Variants in NFIB observed in about 807,000 individuals in gnomAD.
NFIB encodes nuclear factor I B.
A neutral mutation model predicts 61.5 loss-of-function variants in NFIB; 11 were observed. The observed-to-expected ratio is 0.18, with a 90% CI of 0.11 to 0.30. The LOEUF is 0.30. Among genes scored for constraint, NFIB ranks in the 10% least tolerant of loss-of-function variants. The pLI is 1.00. For synonymous variants in NFIB, 260 were observed against 216.5 expected (o/e 1.20, Z -1.76); for missense variants, 471 against 608.9 (o/e 0.77, Z 2.38).
chr9:14,143,674 A>C (rs1020424027), intron 6 of NFIB, among the ~76,000 whole-genome samples: 3 of 152,196 alleles, frequency 2.0e-5, no homozygotes, highest in African/African-American at 7.2e-5. Context: ...AGGAGAAAAT[A>C]TTATAAATAC....
intron 2 of NFIB, among the ~76,000 whole-genome samples, 196 bp downstream of exon 2, chr9:14,306,793 C>G (rs557348589): frequency 8.7e-4 from 132 of 152,090 alleles, no homozygotes; most frequent in Admixed American, 1.8e-3. Context: ...TATCCAGGTA[C>G]GAAAGCTCTG....
chr9:14,348,923 T>C (rs1420162316), intron 1 of NFIB, among the ~76,000 whole-genome samples: 2 of 152,240 alleles, frequency 1.3e-5, no homozygotes, highest in East Asian at 1.9e-4. Context: ...AAAAACCTCC[T>C]GGCGGCTTCC....
chr9:14,393,759 T>C (rs1358404178), intron 1 of NFIB, among the ~76,000 whole-genome samples: 1 of 152,176 alleles, frequency 6.6e-6, no homozygotes, highest in African/African-American at 2.4e-5. Flanking sequence ...CAAGAACTGA[T>C]AATAAAACAA....
intron 1 of NFIB, among the ~76,000 whole-genome samples, chr9:14,367,848 G>A (rs182243862): frequency 6.6e-6 from 1 of 152,110 alleles, no homozygotes; most frequent in Non-Finnish European, 1.5e-5. Context: ...ATGGACACAC[G>A]GAGGGGAACA....
chr9:14,429,060 TA>T, the NFIB span, among the ~76,000 whole-genome samples: 1 of 152,170 alleles, frequency 6.6e-6, no homozygotes, highest in Non-Finnish European at 1.5e-5. Context: ...TTCACCATTC[TA>T]GGGGCCGCAT....
intron 3 of NFIB, among the ~76,000 whole-genome samples, chr9:14,177,907 A>T (rs2046356157): frequency 6.6e-6 from 1 of 152,180 alleles, no homozygotes; most frequent in Non-Finnish European, 1.5e-5. Context: ...TGAAAAATTG[A>T]ATGATGTTAC....
chr9:14,340,406 A>G (rs1386912026), intron 1 of NFIB, among the ~76,000 whole-genome samples: 1 of 152,224 alleles, frequency 6.6e-6, no homozygotes, highest in African/African-American at 2.4e-5. Flanking sequence ...GTAAAAAAGA[A>G]TACCGATGCC....
Position 14,325,510 on chromosome 9 carries a change from G to T in NFIB, c.109-17990C>A, listed in dbSNP as rs569244043. On this transcript the variant is annotated intron_variant, in intron 1 of 8. Coordinates refer to the NFIB transcript ENST00000380934. The stretch of plus-strand genomic sequence containing the variant: ...CTATATAATTATTTCTAAAAGGCTT[G>T]CATTATTACAATGCTTTATATCATA... Among the ~76,000 whole-genome samples the T allele has an allele frequency of 1.1e-4, 16 of 152,182 alleles. No individual in the cohort carries two copies. In the South Asian group the frequency reaches 3.3e-3, roughly 32 times the overall value.
chr9:14,229,408 A>G (rs758088534), intron 2 of NFIB, among the ~76,000 whole-genome samples: 2 of 152,186 alleles, frequency 1.3e-5, no homozygotes, highest in Non-Finnish European at 2.9e-5. Context: ...CAATAAATTC[A>G]TTCATTCAGT....
At chr9:14,324,880 T>C (rs1246173221) in intron 1 of NFIB, among the ~76,000 whole-genome samples, 1 of 152,170 alleles carries the variant, frequency 6.6e-6, no homozygotes, top group Non-Finnish European at 1.5e-5. Context: ...CTAAGGTTTA[T>C]AAAATAGGGA....
At chr9:14,394,326 T>C (rs6474832) in intron 1 of NFIB, among the ~76,000 whole-genome samples, 82,249 of 152,064 alleles carry the variant, frequency 0.54, 23,163 homozygotes, top group Admixed American at 0.65. Context: ...ATCCCAATTA[T>C]ATTAGTCTGT....
At chr9:14,162,313 T>G (rs2131283600) in intron 3 of NFIB, among the ~76,000 whole-genome samples, 1 of 152,174 alleles carries the variant, frequency 6.6e-6, no homozygotes, top group East Asian at 1.9e-4. Flanking sequence ...TTTTAAAAAG[T>G]TTTCTGACGA....
At chr9:14,347,084 T>A (rs573269328) in intron 1 of NFIB, among the ~76,000 whole-genome samples, 1 of 149,930 alleles carries the variant, frequency 6.7e-6, no homozygotes, top group Non-Finnish European at 1.5e-5. Flanking sequence ...GAAGGGTGCG[T>A]CTCCTGAGCT....
chr9:14,322,767 G>A (rs895864243), intron 1 of NFIB, among the ~76,000 whole-genome samples: 1 of 151,940 alleles, frequency 6.6e-6, no homozygotes, highest in Non-Finnish European at 1.5e-5. Flanking sequence ...TGCGCCGCGC[G>A]GCGCCCCTCT....
the NFIB span, among the ~76,000 whole-genome samples, chr9:14,486,972 C>T: frequency 2.6e-5 from 4 of 152,194 alleles, no homozygotes; most frequent in Admixed American, 2.0e-4. Context: ...TACCTATGAA[C>T]TAAAACATGG....
intron 2 of NFIB, among the ~76,000 whole-genome samples, chr9:14,224,434 T>C (rs1053815663): frequency 6.6e-6 from 1 of 152,226 alleles, no homozygotes; most frequent in East Asian, 1.9e-4. Context: ...TGTTCTGCCC[T>C]ATCTTAGTCT....
chr9:14,287,908 A>G (rs1177995192), intron 2 of NFIB, among the ~76,000 whole-genome samples: 2 of 152,120 alleles, frequency 1.3e-5, no homozygotes, highest in Non-Finnish European at 2.9e-5. Context: ...CAGATATTTT[A>G]GTCTGACAAT....
intron 1 of NFIB, among the ~76,000 whole-genome samples, chr9:14,324,463 C>A (rs1412084226): frequency 6.6e-6 from 1 of 152,144 alleles, no homozygotes; most frequent in Non-Finnish European, 1.5e-5. Flanking sequence ...AACAGAAAGT[C>A]TTCTCTGTTA....
the NFIB span, among the ~76,000 whole-genome samples, chr9:14,443,304 G>A: frequency 6.6e-6 from 1 of 151,980 alleles, no homozygotes; most frequent in Admixed American, 6.6e-5. Flanking sequence ...CTATAGATGG[G>A]CTTCCAAACC....
Sources: allele counts gnomAD v4.1 joint callset (sites outside exome capture counted in the v4.1 genomes callset), GRCh38; gene constraint gnomAD v4.1.1; transcripts MANE v1.5; gene names NCBI Gene and HGNC (gene_info 2026-07-23, HGNC 2026-07-21).